Variants in LRP5 observed in about 807,000 individuals in gnomAD.
The protein encoded by LRP5 is low-density lipoprotein receptor-related protein 5.
A neutral mutation model predicts 154.1 loss-of-function variants in LRP5; 62 were observed. The observed-to-expected ratio is 0.40, with a 90% confidence interval of 0.33 to 0.50. The LOEUF is 0.50. Ranked by LOEUF, LRP5 falls within the 20% of genes least tolerant of loss-of-function variation. The pLI is 0.55. For synonymous variants in LRP5, 966 were observed against 1,011.5 expected (o/e 0.96, Z 0.85); for missense variants, 1,915 against 2,336.7 (o/e 0.82, Z 3.72).
chr11:68,439,886 G>C lies in LRP5; in HGVS notation c.4458G>C (p.Ser1486=). 2 of 1,574,316 alleles carry C rather than the reference G, an allele frequency of 1.3e-6. No homozygotes were observed. The highest frequency in any genetic ancestry group is 8.6e-7 in the Non-Finnish European group (1 of 1,162,892). Residue 1486 remains serine (S), a synonymous_variant, in exon 21 of 23, where the codon TCG becomes TCC. Transcript: ENST00000294304. ...TCACAGGGGCCTCGTCCAGCAGCTC[G>C]TCCAGCACGAAGGCCACGCTGTACC... ...NHVTGASSSS[S]SSTKATLYPP...
chr11:68,372,166 G>A (rs1478518584), intron 5 of LRP5, among the ~76,000 whole-genome samples: 1 of 152,164 alleles, frequency 6.6e-6, no homozygotes, highest in Non-Finnish European at 1.5e-5. Context: ...GTAGTTGGGA[G>A]CCGGCCAAGG....
chr11:68,417,969 C>G (rs745688501), intron 13 of LRP5, among the ~76,000 whole-genome samples: 1 of 151,952 alleles, frequency 6.6e-6, no homozygotes, highest in Admixed American at 6.6e-5. Flanking sequence ...AGTGCTGTAG[C>G]GGAAGTGAGC....
At chr11:68,308,255 TG>T (rs951895124), upstream of LRP5, among the ~76,000 whole-genome samples, 13 of 151,742 alleles carry the variant, frequency 8.6e-5, no homozygotes, top group Non-Finnish European at 2.9e-5. Context: ...CCTGCCGGGT[TG>T]GGGGGGGCTC....
chr11:68,363,394 C>T (rs778785241), intron 3 of LRP5, among the ~76,000 whole-genome samples: 7 of 152,136 alleles, frequency 4.6e-5, no homozygotes, highest in Non-Finnish European at 8.8e-5. Context: ...TGGTGGCGCA[C>T]GCCTGTAATC....
chr11:68,356,602 A>C (rs1005003888), intron 2 of LRP5, among the ~76,000 whole-genome samples: 1 of 152,198 alleles, frequency 6.6e-6, no homozygotes, highest in African/African-American at 2.4e-5. Context: ...GTTACAACTG[A>C]TGAAAGCTGG....
At chr11:68,374,050 G>A (rs546949621) in intron 5 of LRP5, among the ~76,000 whole-genome samples, 31 of 152,134 alleles carry the variant, frequency 2.0e-4, no homozygotes, top group Admixed American at 1.3e-3. Context: ...TTTGTGGGCC[G>A]CTGGCCACAG....
At chr11:68,445,445 G>A (rs754485388) in intron 21 of LRP5, 3 of 387,804 alleles carry the variant, frequency 7.7e-6, no homozygotes, top group African/African-American at 2.1e-5. Context: ...GCAGCCAGAA[G>A]GTGGTAAAAC....
the LRP5 span, among the ~76,000 whole-genome samples, chr11:68,302,622 G>A: frequency 4.7e-3 from 722 of 152,324 alleles, 18 homozygotes; most frequent in East Asian, 0.063. Flanking sequence ...CGGAGTGGGT[G>A]AGGCGGGAAG....
chr11:68,403,237 G>A (rs948572369), intron 7 of LRP5, among the ~76,000 whole-genome samples: 4 of 152,068 alleles, frequency 2.6e-5, no homozygotes, highest in African/African-American at 7.2e-5. Flanking sequence ...AGAGTGAGAC[G>A]CTGTCTCAAA....
intron 19 of LRP5, among the ~76,000 whole-genome samples, chr11:68,437,249 C>G (rs1565115528): frequency 6.6e-6 from 1 of 152,218 alleles, no homozygotes; most frequent in Non-Finnish European, 1.5e-5. Context: ...GTCCAGGTGC[C>G]TGCAGCACGC....
chr11:68,328,640 G>T (rs1304913593), intron 1 of LRP5, among the ~76,000 whole-genome samples: 1 of 152,206 alleles, frequency 6.6e-6, no homozygotes, highest in African/African-American at 2.4e-5. Flanking sequence ...TCCCATGGTG[G>T]TAATTTGCAG....
intron 10 of LRP5, among the ~76,000 whole-genome samples, chr11:68,411,070 T>C (rs1267528789): frequency 6.6e-6 from 1 of 152,182 alleles, no homozygotes; most frequent in African/African-American, 2.4e-5. Flanking sequence ...AGGTCTTGTT[T>C]TGTGATGTGC....
intron 1 of LRP5, among the ~76,000 whole-genome samples, chr11:68,317,285 C>T (rs550463336): frequency 1.7e-4 from 26 of 152,376 alleles, no homozygotes; most frequent in Non-Finnish European, 3.5e-4. Context: ...CTGGTGGGGT[C>T]CCAAGAGCTG....
intron 1 of LRP5, among the ~76,000 whole-genome samples, chr11:68,324,263 G>C (rs984738120): frequency 2.6e-5 from 4 of 152,264 alleles, no homozygotes; most frequent in Non-Finnish European, 4.4e-5. Flanking sequence ...GTAGTGGTCT[G>C]TGACAGCATA....
upstream of LRP5, among the ~76,000 whole-genome samples, chr11:68,310,754 C>CA (rs756320384): frequency 0.23 from 14,465 of 63,582 alleles, 1,341 homozygotes; most frequent in African/African-American, 0.32. Context: ...GACCCTGTCT[C>CA]AAAAAAAAAA....
chr11:68,333,477 G>GGTCC (rs1311376601), intron 1 of LRP5, among the ~76,000 whole-genome samples: 1 of 152,108 alleles, frequency 6.6e-6, no homozygotes, highest in Admixed American at 6.5e-5. Context: ...ATTTCTCCCT[G>GGTCC]GTCCCTGTCA....
At chr11:68,428,159 A>AT in intron 16 of LRP5, among the ~76,000 whole-genome samples, 1 of 151,292 alleles carries the variant, frequency 6.6e-6, no homozygotes, top group African/African-American at 2.4e-5. Context: ...TACCAGGCTA[A>AT]TTTTTTTGTA....
chr11:68,349,412 T>C (rs756793999), intron 2 of LRP5, among the ~76,000 whole-genome samples: 2 of 152,202 alleles, frequency 1.3e-5, no homozygotes, highest in African/African-American at 2.4e-5. Context: ...GTTAAACACA[T>C]CTTTGCTGTG....
chr11:68,448,223 A>G (rs2098682505), intron 22 of LRP5, among the ~76,000 whole-genome samples: 1 of 152,220 alleles, frequency 6.6e-6, no homozygotes, highest in Admixed American at 6.5e-5. Context: ...AACCACCCCC[A>G]TGATTCAATC....
Sources: allele counts gnomAD v4.1 joint callset (sites outside exome capture counted in the v4.1 genomes callset), GRCh38; gene constraint gnomAD v4.1.1; transcripts MANE v1.5; gene names NCBI Gene and HGNC (gene_info 2026-07-23, HGNC 2026-07-21).